Variants in MTPN observed in about 807,000 individuals in gnomAD.
The protein encoded by MTPN is myotrophin, also known as granule cell differentiation protein.
In MTPN, 2 loss-of-function variants were observed where a neutral mutation model predicts 13.5. The ratio of observed to expected loss-of-function variants is 0.15; its 90% CI spans 0.06 to 0.47. The LOEUF (loss-of-function observed/expected upper bound fraction) is 0.47, where lower values mean the gene tolerates loss of function less well. Ranked by LOEUF, MTPN falls within the 20% of genes least tolerant of loss-of-function variation. The probability of loss-of-function intolerance (pLI) is 0.97; values close to 1 mark genes in which losing one functional copy is unlikely to be tolerated. For missense variants in MTPN, 79 were observed against 137.9 expected (o/e 0.57, Z 2.14); for synonymous variants, 46 against 51.7 (o/e 0.89, Z 0.48).
intron 1 of MTPN, among the ~76,000 whole-genome samples, chr7:135,952,446 C>T (rs1423796450): frequency 6.6e-6 from 1 of 152,142 alleles, no homozygotes; most frequent in South Asian, 2.1e-4. Context: ...GTGATACACC[C>T]ATTATTTCTA....
chr7:135,971,087 T>A (rs1253673407), intron 1 of MTPN, among the ~76,000 whole-genome samples: 1 of 152,192 alleles, frequency 6.6e-6, no homozygotes, highest in Non-Finnish European at 1.5e-5. Flanking sequence ...AGAGTTGATA[T>A]CTTTCTCAGG....
Position 135,977,326 on chromosome 7 carries a change from G to A in MTPN, c.-226C>T. The stretch of plus-strand genomic sequence containing the variant: ...CCACCGGGCCCAGCAGAGAGGTTCC[G>A]CCTGGCCGAGGAGAGGCAGGAACCT... On this transcript the variant is annotated 5_prime_UTR_variant, in exon 1 of 4. Transcript: ENST00000393085. The A allele has an allele frequency of 5.2e-6, 3 of 578,088 alleles. No homozygotes were observed. Among genetic ancestry groups the A allele is most frequent in the Middle Eastern group, 4.6e-4 (1 of 2,152 alleles). The allele number at this position is 578,088 out of a possible 1,614,324, so 35.8% of individuals were successfully genotyped here. A position where few individuals can be genotyped will look rare whatever the true frequency, so the allele number is the denominator to read the frequency against.
chr7:135,950,712 T>C (rs1799352726), intron 2 of MTPN, 30 bp from the exon 3 acceptor site: 2 of 1,522,440 alleles, frequency 1.3e-6, no homozygotes, highest in African/African-American at 2.8e-5. Flanking sequence ...GATAACTTTA[T>C]CTGTTTTTCA....
chr7:135,968,607 T>A (rs1050841274), intron 1 of MTPN, among the ~76,000 whole-genome samples: 2 of 152,148 alleles, frequency 1.3e-5, no homozygotes, highest in Non-Finnish European at 2.9e-5. Context: ...ACACACTTCC[T>A]CTGTTTTGAA....
chr7:135,950,881 T>C (rs1408254993), intron 2 of MTPN, among the ~76,000 whole-genome samples, 199 bp from the exon 3 acceptor site: 1 of 152,066 alleles, frequency 6.6e-6, no homozygotes, highest in Admixed American at 6.6e-5. Context: ...TCCTTAGGAG[T>C]CATAGTAGTA....
chr7:135,958,837 C>T (rs1362284737), intron 1 of MTPN, among the ~76,000 whole-genome samples: 1 of 152,116 alleles, frequency 6.6e-6, no homozygotes, highest in Non-Finnish European at 1.5e-5. Context: ...CATCCTTCCC[C>T]ATCATTCCCT....
intron 3 of MTPN, among the ~76,000 whole-genome samples, chr7:135,947,764 C>T (rs931894271): frequency 2.0e-5 from 3 of 151,898 alleles, no homozygotes; most frequent in South Asian, 4.2e-4. Flanking sequence ...TAGACCACCC[C>T]GAGATAAATG....
At chr7:135,955,859 A>ATAT (rs1799437054) in intron 1 of MTPN, among the ~76,000 whole-genome samples, 1 of 151,546 alleles carries the variant, frequency 6.6e-6, no homozygotes, top group African/African-American at 2.4e-5. Context: ...AAAAAACCCA[A>ATAT]TATGCATTTG....
intron 1 of MTPN, among the ~76,000 whole-genome samples, chr7:135,975,986 G>T (rs1221219713): frequency 2.0e-5 from 3 of 152,222 alleles, no homozygotes; most frequent in African/African-American, 4.8e-5. Context: ...ATTCTTTGAA[G>T]AGTTAAAATC....
intron 1 of MTPN, among the ~76,000 whole-genome samples, chr7:135,958,334 TAC>T (rs1799474378): frequency 6.6e-6 from 1 of 152,228 alleles, no homozygotes; most frequent in Admixed American, 6.5e-5. Flanking sequence ...TAATAGTTTC[TAC>T]AGTCACTTAT....
chr7:135,939,451 C>G (rs754159593), intron 3 of MTPN, among the ~76,000 whole-genome samples: 4 of 151,882 alleles, frequency 2.6e-5, no homozygotes, highest in Non-Finnish European at 5.9e-5. Flanking sequence ...TCCCTTAAAG[C>G]TACAGGTGAC....
In MTPN at chr7:135,977,248, A is replaced by C; in HGVS notation, c.-148T>G. On this transcript the variant is annotated 5_prime_UTR_variant, in exon 1 of 4. Coordinates refer to ENST00000393085, the MANE Select transcript of MTPN (RefSeq NM_145808.4). ...GGAGGGTTAGGCTGCCAGGCGGGCG[A>C]GGCAGTTGGCCGCGGCGACCGTTCG... 1 of 779,586 alleles carries C rather than the reference A, an allele frequency of 1.3e-6. No homozygotes were observed. The highest frequency in any genetic ancestry group is 2.3e-5 in the Admixed American group (1 of 42,976). The allele number at this position is 779,586 out of a possible 1,614,324, so 48.3% of individuals were successfully genotyped here. A position where few individuals can be genotyped will look rare whatever the true frequency, so the allele number is the denominator to read the frequency against.
At chr7:135,939,946 G>A (rs1799182722) in intron 3 of MTPN, among the ~76,000 whole-genome samples, 1 of 152,092 alleles carries the variant, frequency 6.6e-6, no homozygotes, top group Non-Finnish European at 1.5e-5. Flanking sequence ...TACCCTTAGT[G>A]AACACAAGCA....
rs551101546 is a variant in MTPN at position 135,964,005 on chromosome 7, TAAAG to T, written c.73-12379_73-12376del. On this transcript the variant is annotated intron_variant, in intron 1 of 3. Transcript: ENST00000393085. ...TTTAATAACAAAACACGTGTTTATA[TAAAG>T]AAAGACTATCAAAATTAAGAAAATC... 6.8e-5 allele frequency among the ~76,000 whole-genome samples: 10 copies of T among 147,188 alleles called. No individual in the cohort carries two copies. In the South Asian group the frequency reaches 2.3e-3, roughly 33 times the overall value.
chr7:135,926,967 T>C lies in MTPN; in HGVS notation c.*2959A>G, dbSNP rs1798929492. The stretch of plus-strand genomic sequence containing the variant: ...CCATTACCGCTTAGAAAGATATGAT[T>C]GTTTCTCCATTTACAAAATAGAATC... On this transcript the variant is annotated 3_prime_UTR_variant, in exon 4 of 4. Transcript: ENST00000393085. 5.5e-6 allele frequency: 1 copy of C among 181,000 alleles called. No individual in the cohort carries two copies. Among genetic ancestry groups the C allele is most frequent in the South Asian group, 1.9e-4 (1 of 5,242 alleles). 11.2% of individuals were successfully genotyped at this position (181,000 alleles called of 1,614,324 possible).
intron 1 of MTPN, among the ~76,000 whole-genome samples, chr7:135,975,104 G>T (rs2116418652): frequency 6.6e-6 from 1 of 152,176 alleles, no homozygotes; most frequent in African/African-American, 2.4e-5. Flanking sequence ...TTACATTAAT[G>T]AAGAACAGGC....
chr7:135,939,970 GA>G lies in MTPN; in HGVS notation c.271-9959del, dbSNP rs199638481. On this transcript the variant is annotated intron_variant, in intron 3 of 3. Coordinates refer to ENST00000393085, the MANE Select transcript of MTPN (RefSeq NM_145808.4). ...TGAACACAAGCATCCAAATTAAAAG[GA>G]AAAATTATTTTTTTAAAAATACTAT... is the stretch of plus-strand genomic sequence containing the variant. Among the ~76,000 whole-genome samples, 931 of 152,174 alleles carry G rather than the reference GA, an allele frequency of 6.1e-3. 12 individuals are homozygous for G. Among genetic ancestry groups the G allele is most frequent in the Non-Finnish European group, 5.3e-3 (359 of 67,992 alleles).
intron 1 of MTPN, among the ~76,000 whole-genome samples, chr7:135,963,702 A>C (rs903599814): frequency 6.6e-6 from 1 of 152,074 alleles, no homozygotes; most frequent in Admixed American, 6.6e-5. Context: ...TACAAATATG[A>C]ACTCATTTTA....
intron 3 of MTPN, chr7:135,932,107 T>A (rs1482939231): frequency 6.6e-6 from 1 of 152,170 alleles, no homozygotes; most frequent in East Asian, 1.9e-4. Context: ...CTGTTCCCCT[T>A]AACCATTCCC....
Sources: allele counts gnomAD v4.1 joint callset (sites outside exome capture counted in the v4.1 genomes callset), GRCh38; gene constraint gnomAD v4.1.1; transcripts MANE v1.5; gene names NCBI Gene and HGNC (gene_info 2026-07-23, HGNC 2026-07-21).